Variants in RB1 observed in about 807,000 individuals in gnomAD.
The protein encoded by RB1 is RB transcriptional corepressor 1, also known as retinoblastoma-associated protein.
Under a neutral mutation model 135.4 loss-of-function variants are expected in RB1, and 18 were observed. That is an observed-to-expected ratio of 0.13 (90% CI 0.09 to 0.20). The LOEUF (loss-of-function observed/expected upper bound fraction) is 0.20. Among genes scored for constraint, RB1 ranks in the 10% least tolerant of loss-of-function variants. RB1 has a pLI of 1.00. For synonymous variants in RB1, 365 were observed against 373.2 expected (o/e 0.98, Z 0.25); for missense variants, 868 against 1,110.0 (o/e 0.78, Z 3.10).
intron 17 of RB1, among the ~76,000 whole-genome samples, chr13:48,448,566 A>G (rs951261989): frequency 3.9e-5 from 6 of 152,234 alleles, no homozygotes; most frequent in African/African-American, 1.4e-4. Context: ...TGTAATGACT[A>G]TATGATTATC....
chr13:48,376,727 AT>A (rs1174819381), intron 12 of RB1, among the ~76,000 whole-genome samples, 190 bp from the exon 13 acceptor site: 1 of 151,992 alleles, frequency 6.6e-6, no homozygotes, highest in African/African-American at 2.4e-5. Flanking sequence ...GTACTGTAGT[AT>A]TTTTTGCTCA....
intron 17 of RB1, among the ~76,000 whole-genome samples, chr13:48,410,406 C>A (rs1948783021): frequency 6.6e-6 from 1 of 152,038 alleles, no homozygotes; most frequent in African/African-American, 2.4e-5. Flanking sequence ...ATAGTGTATA[C>A]CTTCTAGAGT....
chr13:48,321,902 T>G (rs547454037), intron 2 of RB1, among the ~76,000 whole-genome samples: 2 of 152,278 alleles, frequency 1.3e-5, no homozygotes, highest in South Asian at 4.2e-4. Flanking sequence ...TGTCCACTTT[T>G]TAACAGGATT....
In RB1 at chr13:48,477,287, G is replaced by A. The variant is rs4151625; in HGVS notation, c.2664-68G>A. ...AAAGTAAGTCATCGAAAGCATCATAGTTACTGGAAATTTGAGTTTTCCATT... is the reference window on the plus strand; with the variant it reads ...AAAGTAAGTCATCGAAAGCATCATAATTACTGGAAATTTGAGTTTTCCATT... On this transcript the variant is annotated intron_variant, in intron 25 of 26. Coordinates refer to ENST00000267163, the MANE Select transcript of RB1 (RefSeq NM_000321.3). 1.8e-5 allele frequency: 21 copies of A among 1,145,574 alleles called. No individual in the cohort carries two copies. The Admixed American group carries it at 3.5e-4, about 19-fold the overall frequency. The allele number at this position is 1,145,574 out of a possible 1,614,324, so 71.0% of individuals were successfully genotyped here.
At chr13:48,436,736 T>C (rs1011401813) in intron 17 of RB1, among the ~76,000 whole-genome samples, 9 of 152,068 alleles carry the variant, frequency 5.9e-5, no homozygotes, top group African/African-American at 2.2e-4. Context: ...CAAGGTAAAA[T>C]GGAAAAGATC....
chr13:48,466,262 G>A (rs1418259212), intron 23 of RB1, among the ~76,000 whole-genome samples: 1 of 62,200 alleles, frequency 1.6e-5, no homozygotes, highest in African/African-American at 4.4e-5. Context: ...TGACCCCCGA[G>A]CAGCCTAACT....
chr13:48,335,672 T>G (rs371454291), intron 2 of RB1, among the ~76,000 whole-genome samples: 9 of 151,852 alleles, frequency 5.9e-5, no homozygotes, highest in South Asian at 2.1e-4. Context: ...TTGGTGTGTG[T>G]GGGGGAATTG....
chr13:48,402,567 C>T (rs1042415366), intron 17 of RB1, among the ~76,000 whole-genome samples: 4 of 151,630 alleles, frequency 2.6e-5, no homozygotes, highest in African/African-American at 2.4e-5. Context: ...TTTGTAGAGA[C>T]GGGGTCTTGC....
intron 12 of RB1, 46 bp from the exon 13 acceptor site, chr13:48,376,872 A>G (rs1171396997): frequency 1.2e-6 from 2 of 1,610,820 alleles, no homozygotes; most frequent in Admixed American, 3.3e-5. Flanking sequence ...ATTAATTCTG[A>G]TTACACAGTA....
At chr13:48,397,729 G>T (rs1948659925) in intron 17 of RB1, among the ~76,000 whole-genome samples, 1 of 151,998 alleles carries the variant, frequency 6.6e-6, no homozygotes, top group Admixed American at 6.6e-5. Flanking sequence ...AGTATAATTT[G>T]TAATGAATAG....
chr13:48,464,569 G>A (rs1457943328), intron 21 of RB1, among the ~76,000 whole-genome samples: 1 of 152,048 alleles, frequency 6.6e-6, no homozygotes, highest in Non-Finnish European at 1.5e-5. Flanking sequence ...CTTATAGATT[G>A]GGGGGGATAC....
At chr13:48,329,994 A>G (rs535973499) in intron 2 of RB1, among the ~76,000 whole-genome samples, 30 of 152,280 alleles carry the variant, frequency 2.0e-4, no homozygotes, top group South Asian at 1.0e-3. Flanking sequence ...TCTCACCATA[A>G]TGGCATAAAA....
At chr13:48,442,556 T>G (rs1190836061) in intron 17 of RB1, among the ~76,000 whole-genome samples, 1 of 152,212 alleles carries the variant, frequency 6.6e-6, no homozygotes, top group African/African-American at 2.4e-5. Flanking sequence ...ACAAAAACTC[T>G]TTAACAAGGT....
intron 6 of RB1, among the ~76,000 whole-genome samples, chr13:48,351,045 C>T (rs746428691): frequency 7.9e-5 from 12 of 152,100 alleles, no homozygotes; most frequent in East Asian, 3.9e-4. Flanking sequence ...TGAACATTCA[C>T]GTGCTTTTGT....
Position 48,481,019 on chromosome 13 carries a change from C to T in RB1, c.*948C>T, listed in dbSNP as rs1949535430. On this transcript the variant is annotated 3_prime_UTR_variant, in exon 27 of 27. Transcript: ENST00000267163. ...AAATTAATTTTACTCCATAAACAGA[C>T]TGTTAATTATAGGAGCCTTAATTTT... 2.2e-5 allele frequency: 5 copies of T among 229,026 alleles called. No individual in the cohort carries two copies. The East Asian group carries it at 3.1e-4, about 14-fold the overall frequency. The allele number at this position is 229,026 out of a possible 1,614,324, so 14.2% of individuals were successfully genotyped here. A position where few individuals can be genotyped will look rare whatever the true frequency, so the allele number is the denominator to read the frequency against.
chr13:48,394,515 G>A (rs940378348), intron 17 of RB1, among the ~76,000 whole-genome samples: 3 of 152,144 alleles, frequency 2.0e-5, no homozygotes, highest in Non-Finnish European at 2.9e-5. Flanking sequence ...TGAAATTCTC[G>A]CTGCCATCAC....
At chr13:48,342,754 G>A in intron 3 of RB1, 40 bp downstream of exon 3, 2 of 1,379,078 alleles carry the variant, frequency 1.5e-6, no homozygotes. Flanking sequence ...TGCCATAAAA[G>A]GAAACGAATT....
intron 17 of RB1, among the ~76,000 whole-genome samples, chr13:48,404,018 A>G (rs1948716900): frequency 6.6e-6 from 1 of 152,116 alleles, no homozygotes; most frequent in Non-Finnish European, 1.5e-5. Context: ...AACGAAAAAA[A>G]AGCACCTTCC....
At chr13:48,328,482 A>C in intron 2 of RB1, 1 of 851,584 alleles carries the variant, frequency 1.2e-6, no homozygotes, top group Non-Finnish European at 2.1e-6. Flanking sequence ...CTGCGGCTGG[A>C]ACTTTCCTCT....
Sources: allele counts gnomAD v4.1 joint callset (sites outside exome capture counted in the v4.1 genomes callset), GRCh38; gene constraint gnomAD v4.1.1; transcripts MANE v1.5; gene names NCBI Gene and HGNC (gene_info 2026-07-23, HGNC 2026-07-21).